The following NCOA2 variants were observed in gnomAD, a reference collection of about 807,000 sequenced individuals.
NCOA2 encodes class E basic helix-loop-helix protein 75.
NCOA2 carries 21 observed loss-of-function variants against 145.1 expected under a neutral mutation model. The ratio of observed to expected loss-of-function variants is 0.14; its 90% CI spans 0.10 to 0.21. NCOA2 has a LOEUF of 0.21. NCOA2 is among the 10% of genes least tolerant of loss of function. The pLI, the probability that NCOA2 is intolerant of heterozygous loss-of-function variation, is 1.00. For missense variants in NCOA2, 1,472 were observed against 1,837.6 expected (o/e 0.80, Z 3.64); for synonymous variants, 619 against 637.5 (o/e 0.97, Z 0.44).
At chr8:70,359,065 T>C (rs1392818451) in intron 1 of NCOA2, among the ~76,000 whole-genome samples, 1 of 152,172 alleles carries the variant, frequency 6.6e-6, no homozygotes, top group Non-Finnish European at 1.5e-5. Flanking sequence ...ATTACAATTT[T>C]TGAAAAAAAT....
chr8:70,135,517 G>A (rs1223022036), intron 15 of NCOA2, among the ~76,000 whole-genome samples: 2 of 152,166 alleles, frequency 1.3e-5, no homozygotes, highest in Non-Finnish European at 2.9e-5. Flanking sequence ...ATACTGCCTT[G>A]TGGCTTGGTG....
Position 70,146,911 on chromosome 8 carries a change from G to C in NCOA2, c.2605+1362C>G, listed in dbSNP as rs535567469. Among the ~76,000 whole-genome samples the C allele has an allele frequency of 2.2e-4, 34 of 151,782 alleles. 1 individual carries two copies. The highest frequency in any genetic ancestry group is 2.1e-3 in the Admixed American group (32 of 15,248). ...TCACCATGTTGGCCAGGCTGGTCTT[G>C]AACTCCTGACCTCAGGTGATCGACC... On this transcript the variant is annotated intron_variant, in intron 12 of 22. Coordinates refer to ENST00000452400, the MANE Select transcript of NCOA2 (RefSeq NM_006540.4).
At chr8:70,350,401 C>T (rs888600644) in intron 1 of NCOA2, among the ~76,000 whole-genome samples, 2 of 152,126 alleles carry the variant, frequency 1.3e-5, no homozygotes, top group African/African-American at 4.8e-5. Context: ...GGATATTTCA[C>T]TATCCAAAAG....
chr8:70,425,726 T>C, the NCOA2 span, among the ~76,000 whole-genome samples: 1 of 152,214 alleles, frequency 6.6e-6, no homozygotes, highest in African/African-American at 2.4e-5. Flanking sequence ...CTGGGTGGTG[T>C]CTTTAATTCA....
intron 1 of NCOA2, among the ~76,000 whole-genome samples, chr8:70,312,637 T>C (rs1805227456): frequency 1.3e-5 from 2 of 152,144 alleles, no homozygotes; most frequent in Non-Finnish European, 2.9e-5. Flanking sequence ...AAAAACAAAA[T>C]TATTATAATT....
the NCOA2 span, among the ~76,000 whole-genome samples, chr8:70,419,343 T>C: frequency 6.6e-6 from 1 of 152,160 alleles, no homozygotes; most frequent in South Asian, 2.1e-4. Flanking sequence ...TTTAAATAAA[T>C]AGTCAATGAA....
intron 1 of NCOA2, among the ~76,000 whole-genome samples, chr8:70,348,058 AC>A (rs1295804711): frequency 6.6e-6 from 1 of 152,178 alleles, no homozygotes; most frequent in Non-Finnish European, 1.5e-5. Context: ...AATAGTTCCT[AC>A]CCCCCAGGGG....
chr8:70,256,590 C>T (rs1313500454), intron 2 of NCOA2, among the ~76,000 whole-genome samples: 1 of 152,170 alleles, frequency 6.6e-6, no homozygotes, highest in African/African-American at 2.4e-5. Context: ...TAAAGGCATA[C>T]TATTTTATTA....
At chr8:70,406,277 A>G (rs1324527316), upstream of NCOA2, among the ~76,000 whole-genome samples, 2 of 152,224 alleles carry the variant, frequency 1.3e-5, no homozygotes, top group African/African-American at 4.8e-5. Flanking sequence ...AAACATGTTT[A>G]TAAAAAACAT....
At position 70,367,441 on chromosome 8, in the gene NCOA2, T is replaced by C. The variant is rs532367781; in HGVS notation, c.-77+36259A>G. On this transcript the variant is annotated intron_variant, in intron 1 of 22. Transcript: ENST00000452400. ...TCAGGAGGTGGACTGCATTTCCAGA[T>C]ACAGTGAAAAGACTACCAACAGAGT... Among the ~76,000 whole-genome samples the C allele has an allele frequency of 8.3e-4, 126 of 152,282 alleles. 1 individual carries two copies. Among genetic ancestry groups the C allele is most frequent in the African/African-American group, 2.9e-3 (122 of 41,568 alleles).
At chr8:70,418,029 G>C in the NCOA2 span, among the ~76,000 whole-genome samples, 1 of 152,166 alleles carries the variant, frequency 6.6e-6, no homozygotes, top group African/African-American at 2.4e-5. Context: ...CTCTAGATTA[G>C]CAGCATATAA....
chr8:70,112,644 ATTTT>A lies in NCOA2; in HGVS notation c.*984_*987del. The A allele has an allele frequency of 5.2e-6, 1 of 191,200 alleles. No homozygotes were observed. 11.8% of individuals were successfully genotyped at this position (191,200 alleles called of 1,614,324 possible). A position where few individuals can be genotyped will look rare whatever the true frequency, so the allele number is the denominator to read the frequency against. On this transcript the variant is annotated 3_prime_UTR_variant, in exon 23 of 23. Coordinates refer to ENST00000452400, the MANE Select transcript of NCOA2 (RefSeq NM_006540.4). ...TGCTCTTCTCCTTGCCAGTAAATGC[ATTTT>A]TTTTTTCTGAAATTCAATACTTAGC...
intron 1 of NCOA2, among the ~76,000 whole-genome samples, chr8:70,395,277 C>T (rs1586677995): frequency 1.3e-5 from 2 of 152,284 alleles, no homozygotes; most frequent in South Asian, 2.1e-4. Context: ...CAAAGCACTG[C>T]GTAGTAAGTG....
intron 4 of NCOA2, among the ~76,000 whole-genome samples, chr8:70,207,768 C>T (rs780615848): frequency 1.4e-5 from 2 of 143,326 alleles, no homozygotes; most frequent in Admixed American, 7.5e-5. Context: ...GAGGCTGAGG[C>T]AGAAGAACTG....
intron 14 of NCOA2, 66 bp downstream of exon 14, chr8:70,141,118 C>A: frequency 6.8e-7 from 1 of 1,473,868 alleles, no homozygotes; most frequent in Non-Finnish European, 9.3e-7. Flanking sequence ...CTTGAAAGAA[C>A]TTATGACGCT....
Position 70,110,426 on chromosome 8 carries a change from TAAAG to T in NCOA2, c.*3202_*3205del, listed in dbSNP as rs543845585. 441 of 195,600 alleles carry T rather than the reference TAAAG, an allele frequency of 2.3e-3. 3 individuals carry two copies. The highest frequency in any genetic ancestry group is 9.7e-3 in the African/African-American group (422 of 43,412). The allele number at this position is 195,600 out of a possible 1,614,324, so 12.1% of individuals were successfully genotyped here. On this transcript the variant is annotated 3_prime_UTR_variant, in exon 23 of 23. Coordinates refer to ENST00000452400, the MANE Select transcript of NCOA2 (RefSeq NM_006540.4). The stretch of plus-strand genomic sequence containing the variant: ...ACTTAAAAGATTTTGCTTTAGTCTA[TAAAG>T]AAACACCAGGGAGAAAATTCTAATT...
chr8:70,187,807 GAAATA>G (rs1214099678), intron 4 of NCOA2, among the ~76,000 whole-genome samples: 69 of 151,942 alleles, frequency 4.5e-4, no homozygotes, highest in African/African-American at 1.3e-3. Flanking sequence ...TTCAAATAAT[GAAATA>G]AAATAAAATC....
intron 18 of NCOA2, among the ~76,000 whole-genome samples, chr8:70,127,746 C>T (rs754727130): frequency 3.9e-5 from 6 of 152,162 alleles, no homozygotes; most frequent in Admixed American, 1.3e-4. Flanking sequence ...CACAGTCATT[C>T]GTAGACATGA....
chr8:70,446,182 T>A, the NCOA2 span, among the ~76,000 whole-genome samples: 1 of 152,148 alleles, frequency 6.6e-6, no homozygotes, highest in Admixed American at 6.5e-5. Context: ...CTACTTCTGC[T>A]CCTCATGCCC....
Sources: allele counts gnomAD v4.1 joint callset (sites outside exome capture counted in the v4.1 genomes callset), GRCh38; gene constraint gnomAD v4.1.1; transcripts MANE v1.5; gene names NCBI Gene and HGNC (gene_info 2026-07-23, HGNC 2026-07-21).